ITGB3BP: variants seen among roughly 807,000 people sequenced by gnomAD.
The protein encoded by ITGB3BP is centromere protein R.
In ITGB3BP, 27 loss-of-function variants were observed where a neutral mutation model predicts 29.1. The observed-to-expected ratio is 0.93, with a 90% confidence interval of 0.68 to 1.28. The LOEUF is 1.28. Ranked by LOEUF, ITGB3BP falls within the 50% of genes most tolerant of loss-of-function variation. The probability of loss-of-function intolerance (pLI) is 0.00; values close to 1 mark genes in which losing one functional copy is unlikely to be tolerated. For missense variants in ITGB3BP, 192 were observed against 200.2 expected, an observed-to-expected ratio of 0.96 and a Z score of 0.25; for synonymous variants, 61 against 61.4, an observed-to-expected ratio of 0.99 and a Z score of 0.03.
chr1:63,527,578 A>C (rs1486085207), upstream of ITGB3BP, among the ~76,000 whole-genome samples: 8 of 152,182 alleles, frequency 5.3e-5, no homozygotes, highest in Non-Finnish European at 1.2e-4. Flanking sequence ...AAAGATCCAT[A>C]TCATGGTGTC....
chr1:63,475,126 A>G (rs969190793), intron 4 of ITGB3BP, among the ~76,000 whole-genome samples: 2 of 151,898 alleles, frequency 1.3e-5, no homozygotes, highest in Non-Finnish European at 2.9e-5. Flanking sequence ...AGGTGTGCAC[A>G]ACCACACCCA....
chr1:63,501,448 G>A (rs143198763), intron 2 of ITGB3BP, among the ~76,000 whole-genome samples: 1 of 152,184 alleles, frequency 6.6e-6, no homozygotes, highest in African/African-American at 2.4e-5. Flanking sequence ...TGGTTTCCAG[G>A]GGGAGGGGGA....
rs1255697014 is a variant in ITGB3BP, at chr1:63,464,797, T to C, written c.255-9829A>G. On this transcript the variant is annotated intron_variant, in intron 4 of 8. Transcript: ENST00000271002. ...CTCTTGATGTAATTCAACATTCTTC[T>C]ATATTTTTGCCCCAAAATACATAAC... Among the ~76,000 whole-genome samples, 3 of 152,328 alleles carry C rather than the reference T, an allele frequency of 2.0e-5. No homozygotes were observed. The East Asian group carries it at 5.8e-4, about 29-fold the overall frequency.
intron 7 of ITGB3BP, chr1:63,449,882 T>A (rs1377751436): frequency 6.5e-6 from 1 of 152,856 alleles, no homozygotes; most frequent in African/African-American, 2.4e-5. Flanking sequence ...AGTAGTCTTC[T>A]GGGAGTGAAA....
intron 4 of ITGB3BP, among the ~76,000 whole-genome samples, chr1:63,462,166 TGTA>T (rs1645028379): frequency 2.0e-5 from 3 of 152,372 alleles, no homozygotes; most frequent in Admixed American, 1.3e-4. Context: ...AAAAATGAAT[TGTA>T]GTTTCTAGTG....
chr1:63,512,179 G>T (rs75118114), intron 1 of ITGB3BP, among the ~76,000 whole-genome samples: 5 of 152,094 alleles, frequency 3.3e-5, no homozygotes, highest in Middle Eastern at 3.4e-3. Context: ...CTGCTGTTGA[G>T]AATTTTAAAA....
intron 8 of ITGB3BP, among the ~76,000 whole-genome samples, chr1:63,446,234 T>C (rs1271518386): frequency 1.3e-5 from 2 of 152,252 alleles, no homozygotes; most frequent in East Asian, 3.9e-4. Context: ...CAGTTATAGG[T>C]ATACTAAACA....
At chr1:63,497,691 AC>A (rs1233454984) in intron 2 of ITGB3BP, among the ~76,000 whole-genome samples, 2 of 151,824 alleles carry the variant, frequency 1.3e-5, no homozygotes, top group African/African-American at 4.8e-5. Flanking sequence ...ACTGATAGAA[AC>A]TAAAGCTTTG....
chr1:63,482,946 C>T (rs1156408247), intron 3 of ITGB3BP, among the ~76,000 whole-genome samples: 10 of 152,122 alleles, frequency 6.6e-5, no homozygotes, highest in South Asian at 2.1e-4. Flanking sequence ...TGAGCCACTG[C>T]GCCCAGCTCA....
chr1:63,454,334 G>C lies in ITGB3BP; in HGVS notation c.427+46C>G, dbSNP rs1644902579. On this transcript the variant is annotated intron_variant, in intron 6 of 8. Transcript: ENST00000271002. This position sits in a 1 kb window ranked among gnomAD's most constrained non-coding sequence, Gnocchi z 4.1. ...CAAATGTAAATGAGACAAATTAATA[G>C]GTTTATCTTTAAAATTACTGTCATT... is the stretch of plus-strand genomic sequence containing the variant. 1 of 945,530 alleles carries C rather than the reference G, an allele frequency of 1.1e-6. No homozygotes were observed. Among genetic ancestry groups the C allele is most frequent in the Non-Finnish European group, 1.7e-6 (1 of 593,068 alleles). The allele number at this position is 945,530 out of a possible 1,614,324, so 58.6% of individuals were successfully genotyped here. A position where few individuals can be genotyped will look rare whatever the true frequency, so the allele number is the denominator to read the frequency against.
intron 4 of ITGB3BP, among the ~76,000 whole-genome samples, chr1:63,468,336 C>T (rs968482745): frequency 2.6e-5 from 4 of 152,088 alleles, no homozygotes; most frequent in African/African-American, 7.2e-5. Context: ...AATGGGGTAA[C>T]GAGTGATTTA....
chr1:63,455,098 T>C, intron 4 of ITGB3BP, 130 bp from the exon 5 acceptor site: 1 of 546,540 alleles, frequency 1.8e-6, no homozygotes, highest in Non-Finnish European at 3.3e-6. Context: ...ACACAATATA[T>C]ATTATCAACT....
intron 4 of ITGB3BP, 47 bp from the exon 5 acceptor site, chr1:63,455,015 A>ATG (rs1192714372): frequency 2.2e-6 from 2 of 928,916 alleles, no homozygotes; most frequent in Non-Finnish European, 3.5e-6. Flanking sequence ...AAGCATTTAA[A>ATG]CATGGCAAAT....
At chr1:63,472,917 C>T (rs1284712739) in intron 4 of ITGB3BP, among the ~76,000 whole-genome samples, 9 of 152,178 alleles carry the variant, frequency 5.9e-5, no homozygotes, top group East Asian at 1.9e-4. Context: ...AAGTGAGGAG[C>T]GTCTCTGCCT....
intron 2 of ITGB3BP, among the ~76,000 whole-genome samples, chr1:63,491,369 C>T (rs1265638275): frequency 2.0e-5 from 3 of 151,986 alleles, no homozygotes; most frequent in African/African-American, 4.8e-5. Context: ...ATGCATGCTA[C>T]GAAATTCAGA....
chr1:63,451,704 A>G (rs1644862290), intron 7 of ITGB3BP: 1 of 152,040 alleles, frequency 6.6e-6, no homozygotes, highest in Admixed American at 6.6e-5. Flanking sequence ...CAGGAAAACT[A>G]TATAGCTCAA....
chr1:63,468,787 G>A (rs1038894996), intron 4 of ITGB3BP, among the ~76,000 whole-genome samples: 1 of 152,052 alleles, frequency 6.6e-6, no homozygotes, highest in Non-Finnish European at 1.5e-5. Context: ...CTTGAACCCA[G>A]GAGGTGGTGG....
chr1:63,492,739 G>C (rs1266089985), intron 2 of ITGB3BP, among the ~76,000 whole-genome samples: 2 of 151,572 alleles, frequency 1.3e-5, no homozygotes, highest in African/African-American at 4.8e-5. Flanking sequence ...GATTTGGCTA[G>C]AAAAAAGCAA....
At chr1:63,456,601 C>T (rs17125032) in intron 4 of ITGB3BP, among the ~76,000 whole-genome samples, 21,199 of 152,110 alleles carry the variant, frequency 0.14, 1,586 homozygotes, top group Middle Eastern at 0.25. Flanking sequence ...TACTTTGCTA[C>T]GAGAAATAAT....
Sources: gnomAD v4.1 joint callset for allele counts (sites outside exome capture counted in the v4.1 genomes callset) on GRCh38, gnomAD v4.1.1 for gene constraint, Gnocchi (gnomAD v3.1) non-coding constraint, MANE v1.5 for transcripts, NCBI Gene and HGNC (gene_info 2026-07-23, HGNC 2026-07-21) for gene names.